RNF150: variants seen among roughly 807,000 people sequenced by gnomAD.
RNF150 encodes the protein ring finger protein 150.
RNF150 carries 24 observed loss-of-function variants against 39.3 expected under a neutral mutation model. The observed-to-expected ratio is 0.61, with a 90% confidence interval of 0.44 to 0.86. The LOEUF is 0.86. Ranked by LOEUF, RNF150 falls within the 40% of genes least tolerant of loss-of-function variation. The probability of loss-of-function intolerance (pLI) is 0.00; values close to 1 mark genes in which losing one functional copy is unlikely to be tolerated. For synonymous variants in RNF150, 255 were observed against 227.3 expected (o/e 1.12, Z -1.10); for missense variants, 502 against 587.8 (o/e 0.85, Z 1.51).
At chr4:141,181,209 A>G (rs527939835) in intron 1 of RNF150, among the ~76,000 whole-genome samples, 1 of 152,306 alleles carries the variant, frequency 6.6e-6, no homozygotes, top group South Asian at 2.1e-4. Flanking sequence ...GTGCCCCTGA[A>G]GGGCAAGTGG....
At chr4:140,907,784 T>C (rs1375268365) in intron 6 of RNF150, among the ~76,000 whole-genome samples, 1 of 152,200 alleles carries the variant, frequency 6.6e-6, no homozygotes, top group Non-Finnish European at 1.5e-5. Flanking sequence ...CTTACAACCT[T>C]GGATCAGTGA....
chr4:141,156,802 G>A (rs1727410565), intron 1 of RNF150, among the ~76,000 whole-genome samples: 1 of 151,010 alleles, frequency 6.6e-6, no homozygotes, highest in Non-Finnish European at 1.5e-5. Flanking sequence ...AGCTACTCAG[G>A]AGGCTGAGGC....
chr4:141,156,723 G>A (rs965934333), intron 1 of RNF150, among the ~76,000 whole-genome samples: 39 of 116,772 alleles, frequency 3.3e-4, no homozygotes, highest in African/African-American at 1.3e-3. Context: ...GCAAAACCCT[G>A]TCTCTACTAC....
intron 6 of RNF150, among the ~76,000 whole-genome samples, chr4:140,910,075 G>C (rs144401676): frequency 4.1e-4 from 62 of 151,952 alleles, no homozygotes; most frequent in Non-Finnish European, 7.2e-4. Context: ...TTTTTAGTCT[G>C]TTCTTTCTTT....
At chr4:141,028,118 C>A (rs1735792432) in intron 1 of RNF150, among the ~76,000 whole-genome samples, 1 of 151,846 alleles carries the variant, frequency 6.6e-6, no homozygotes, top group South Asian at 2.1e-4. Context: ...TTGGGACAAG[C>A]TGGAACTAAA....
At chr4:140,878,735 T>C (rs542962735) in intron 6 of RNF150, among the ~76,000 whole-genome samples, 2 of 152,344 alleles carry the variant, frequency 1.3e-5, no homozygotes, top group South Asian at 4.1e-4. Flanking sequence ...CTGTTTACTG[T>C]GCAGAAGATT....
chr4:140,980,089 C>T (rs1308156667), intron 1 of RNF150, among the ~76,000 whole-genome samples: 1 of 152,048 alleles, frequency 6.6e-6, no homozygotes, highest in East Asian at 1.9e-4. Context: ...GTCACCCAGG[C>T]TGAAGTGCAG....
At chr4:141,204,028 G>A (rs1327521068) in intron 1 of RNF150, among the ~76,000 whole-genome samples, 2 of 152,152 alleles carry the variant, frequency 1.3e-5, no homozygotes, top group Non-Finnish European at 2.9e-5. Flanking sequence ...TTCAGGAACT[G>A]AAAGCAGCTC....
In RNF150 at chr4:140,969,397, C is replaced by T. The variant is rs142408215; in HGVS notation, c.485-1524G>A. 1.9e-3 allele frequency among the ~76,000 whole-genome samples: 292 copies of T among 152,198 alleles called. 1 individual carries two copies. The highest frequency in any genetic ancestry group is 6.8e-3 in the African/African-American group (283 of 41,540). ...CTGAAAGTGGTGGCTCGATTTTCAA[C>T]TCTGAAGAATTTACTGGCAATTTTG... On this transcript the variant is annotated intron_variant, in intron 1 of 6. Transcript: ENST00000515673.
chr4:140,946,978 G>A (rs1732339636), intron 4 of RNF150, among the ~76,000 whole-genome samples: 1 of 152,134 alleles, frequency 6.6e-6, no homozygotes, highest in African/African-American at 2.4e-5. Flanking sequence ...TTTCATTAAA[G>A]TATTTAAATT....
intron 1 of RNF150, among the ~76,000 whole-genome samples, chr4:141,093,883 A>C (rs1356744040): frequency 6.6e-6 from 1 of 152,244 alleles, no homozygotes; most frequent in Non-Finnish European, 1.5e-5. Flanking sequence ...TATTATTTTT[A>C]AGTGAATGAA....
intron 1 of RNF150, among the ~76,000 whole-genome samples, chr4:141,124,809 T>G (rs1457269658): frequency 6.6e-6 from 1 of 152,210 alleles, no homozygotes; most frequent in Non-Finnish European, 1.5e-5. Flanking sequence ...ACCTAATATA[T>G]GTACTCATAT....
At chr4:141,173,846 G>C (rs1038333243) in intron 1 of RNF150, among the ~76,000 whole-genome samples, 4 of 152,194 alleles carry the variant, frequency 2.6e-5, no homozygotes, top group African/African-American at 9.6e-5. Context: ...CAAGTAAAAA[G>C]TGAAAGTTCT....
chr4:140,878,245 CA>C (rs35240538), intron 6 of RNF150, among the ~76,000 whole-genome samples: 1 of 184 alleles, frequency 5.4e-3, no homozygotes, highest in Non-Finnish European at 0.026. Flanking sequence ...TGGCTTACCT[CA>C]CTCAACCTTT....
chr4:141,114,094 A>G (rs1246781451), intron 1 of RNF150, among the ~76,000 whole-genome samples: 1 of 152,196 alleles, frequency 6.6e-6, no homozygotes, highest in African/African-American at 2.4e-5. Flanking sequence ...TCACAATTAA[A>G]AGAATTACAG....
chr4:141,030,107 T>C (rs1442032619), intron 1 of RNF150, among the ~76,000 whole-genome samples: 1 of 151,536 alleles, frequency 6.6e-6, no homozygotes, highest in Non-Finnish European at 1.5e-5. Flanking sequence ...GGCAGGAGAA[T>C]GGTGGGAACC....
At chr4:141,163,132 ATT>A (rs2111160999) in intron 1 of RNF150, among the ~76,000 whole-genome samples, 1 of 152,286 alleles carries the variant, frequency 6.6e-6, no homozygotes, top group South Asian at 2.1e-4. Context: ...GGTACCCACC[ATT>A]ACTAAGGCTT....
At chr4:141,202,411 A>G (rs139741280) in intron 1 of RNF150, among the ~76,000 whole-genome samples, 1 of 152,324 alleles carries the variant, frequency 6.6e-6, no homozygotes, top group African/African-American at 2.4e-5. Context: ...TGTTTTAAAC[A>G]TAACCAGAGT....
chr4:141,211,295 G>A (rs1221992980), intron 1 of RNF150, among the ~76,000 whole-genome samples: 2 of 152,080 alleles, frequency 1.3e-5, no homozygotes, highest in African/African-American at 4.8e-5. Flanking sequence ...AAAGTGTTTG[G>A]CTTTATTGTG....
Sources: gnomAD v4.1 joint callset for allele counts (sites outside exome capture counted in the v4.1 genomes callset) on GRCh38, gnomAD v4.1.1 for gene constraint, MANE v1.5 for transcripts, NCBI Gene and HGNC (gene_info 2026-07-23, HGNC 2026-07-21) for gene names.